Variants in TBC1D1 observed in about 807,000 individuals in gnomAD.
TBC1D1 encodes TBC1 domain family member 1.
A neutral mutation model predicts 125.6 loss-of-function variants in TBC1D1; 89 were observed. The observed-to-expected ratio is 0.71, with a 90% confidence interval of 0.60 to 0.85. The LOEUF is 0.85. Among genes scored for constraint, TBC1D1 ranks in the 40% least tolerant of loss-of-function variants. The probability of loss-of-function intolerance (pLI) is 0.00; values close to 1 mark genes in which losing one functional copy is unlikely to be tolerated. For synonymous variants in TBC1D1, 565 were observed against 564.1 expected (o/e 1.00, Z -0.02); for missense variants, 1,377 against 1,469.2 (o/e 0.94, Z 1.03).
intron 2 of TBC1D1, chr4:37,952,010 C>T: frequency 1.4e-6 from 1 of 717,690 alleles, no homozygotes; most frequent in South Asian, 1.5e-5. Context: ...TTACAGTGCT[C>T]ATCATCACTG....
At chr4:38,054,927 G>A (rs1048017566) in intron 12 of TBC1D1, 1 of 153,338 alleles carries the variant, frequency 6.5e-6, no homozygotes, top group Non-Finnish European at 1.5e-5. Flanking sequence ...GCGTGCGCAG[G>A]GTGTTTACTG....
intron 2 of TBC1D1, among the ~76,000 whole-genome samples, chr4:37,959,600 C>A (rs1014057606): frequency 6.6e-6 from 1 of 152,178 alleles, no homozygotes; most frequent in African/African-American, 2.4e-5. Context: ...TACGTACGCA[C>A]ATATGTCACT....
chr4:37,897,140 AG>A (rs577873809), intron 1 of TBC1D1, among the ~76,000 whole-genome samples: 200 of 152,338 alleles, frequency 1.3e-3, no homozygotes, highest in African/African-American at 4.6e-3. Context: ...GAATGGTCAA[AG>A]GTTGAGTGCA....
intron 17 of TBC1D1, among the ~76,000 whole-genome samples, chr4:38,122,172 C>G (rs1283068548): frequency 2.0e-5 from 3 of 152,208 alleles, no homozygotes; most frequent in African/African-American, 7.2e-5. Flanking sequence ...AATCAATCAG[C>G]GTAGTCTCCA....
intron 2 of TBC1D1, among the ~76,000 whole-genome samples, chr4:37,927,202 G>A (rs7655691): frequency 0.51 from 76,967 of 151,928 alleles, 20,155 homozygotes; most frequent in East Asian, 0.82. Flanking sequence ...TAATAGAGGC[G>A]GGAAGAGATC....
chr4:38,073,926 C>A (rs766759785), intron 12 of TBC1D1, among the ~76,000 whole-genome samples: 1 of 152,196 alleles, frequency 6.6e-6, no homozygotes, highest in African/African-American at 2.4e-5. Context: ...TGTCAGTGGA[C>A]TTTTAAGACA....
intron 1 of TBC1D1, among the ~76,000 whole-genome samples, chr4:37,898,356 TAGA>T (rs1715089396): frequency 6.6e-6 from 1 of 152,180 alleles, no homozygotes. Context: ...TAGTTGGAAA[TAGA>T]AGACAAGGAT....
chr4:37,942,583 G>C (rs112980257), intron 2 of TBC1D1, among the ~76,000 whole-genome samples: 14,372 of 151,934 alleles, frequency 0.095, 754 homozygotes, highest in African/African-American at 0.13. Context: ...CTGTCACCCA[G>C]GCTGGAGTGC....
At chr4:38,010,755 C>A (rs1450606186) in intron 2 of TBC1D1, among the ~76,000 whole-genome samples, 1 of 152,166 alleles carries the variant, frequency 6.6e-6, no homozygotes, top group African/African-American at 2.4e-5. Flanking sequence ...TTTCTCTCAG[C>A]CTTCCTCTCA....
At chr4:37,941,048 T>C (rs1269275108) in intron 2 of TBC1D1, among the ~76,000 whole-genome samples, 1 of 152,228 alleles carries the variant, frequency 6.6e-6, no homozygotes, top group African/African-American at 2.4e-5. Context: ...AAAAATGAGT[T>C]AGGGAGGATT....
chr4:38,011,076 G>A (rs1006551277), intron 2 of TBC1D1, among the ~76,000 whole-genome samples: 3 of 152,182 alleles, frequency 2.0e-5, no homozygotes, highest in Non-Finnish European at 2.9e-5. Context: ...CAGAGGCTGG[G>A]CACAGTGGCT....
intron 3 of TBC1D1, among the ~76,000 whole-genome samples, chr4:38,016,084 A>G (rs1578279863): frequency 6.6e-6 from 1 of 152,242 alleles, no homozygotes; most frequent in Non-Finnish European, 1.5e-5. Context: ...GCAGCCGTGA[A>G]CAAGACAAGT....
chr4:38,006,695 G>A (rs1462265333), intron 2 of TBC1D1: 3 of 299,576 alleles, frequency 1.0e-5, no homozygotes, highest in East Asian at 1.9e-4. Context: ...TAGCCAGGAT[G>A]GGCTCAATCT....
chr4:38,132,840 A>G (rs1765820033), intron 18 of TBC1D1: 2 of 293,478 alleles, frequency 6.8e-6, no homozygotes, highest in Non-Finnish European at 1.3e-5. Flanking sequence ...GGTGAGTATC[A>G]AAAACCTGTA....
At position 37,941,456 on chromosome 4, in the gene TBC1D1, G is replaced by A. The variant is rs576990119; in HGVS notation, c.417+38944G>A. Among the ~76,000 whole-genome samples, 172 of 151,820 alleles carry A rather than the reference G, an allele frequency of 1.1e-3. 1 individual carries two copies. The highest frequency in any genetic ancestry group is 3.8e-3 in the African/African-American group (158 of 41,408). ...TTGCTAGCGGTCTATCAATTTTATC[G>A]ATCTTTTCAAAAAACCAGCTGCTAG... On this transcript the variant is annotated intron_variant, in intron 2 of 19. Transcript: ENST00000261439.
At chr4:38,047,304 G>A (rs901321205) in intron 10 of TBC1D1, among the ~76,000 whole-genome samples, 1 of 152,096 alleles carries the variant, frequency 6.6e-6, no homozygotes, top group Non-Finnish European at 1.5e-5. Flanking sequence ...AGCTGAGACT[G>A]GTTAAAGTGC....
chr4:38,133,209 C>T lies in TBC1D1; in HGVS notation c.3258C>T (p.Thr1086=), dbSNP rs752480686. Residue 1086 remains threonine, a synonymous_variant, in exon 19 of 20, where the codon ACC becomes ACT. Transcript: ENST00000261439. ...AAAGAATGGATAAATTAGAGAAAAC[C>T]AACAGCAGCTTACGCAAACAGAACC... is the stretch of plus-strand genomic sequence containing the variant. The T allele has an allele frequency of 6.2e-6, 10 of 1,613,932 alleles. No homozygotes were observed. Among genetic ancestry groups the T allele is most frequent in the Non-Finnish European group, 8.5e-6 (10 of 1,179,974 alleles).
intron 2 of TBC1D1, among the ~76,000 whole-genome samples, chr4:37,970,943 C>CA (rs1037923695): frequency 6.6e-6 from 1 of 151,880 alleles, no homozygotes; most frequent in African/African-American, 2.4e-5. Flanking sequence ...CCTCACTGGC[C>CA]CCCCCCACTA....
chr4:38,118,050 C>T lies in TBC1D1; in HGVS notation c.2820C>T (p.Leu940=). The T allele has an allele frequency of 6.2e-7, 1 of 1,614,194 alleles. No individual in the cohort carries two copies. The highest frequency in any genetic ancestry group is 8.5e-7 in the Non-Finnish European group (1 of 1,180,022). The stretch of plus-strand genomic sequence containing the variant: ...TCCTGCAGATCCAGATGTACCAGCT[C>T]TCGAGGTTGCTTCATGATTACCACA... Residue 940 remains leucine (L), a synonymous_variant, in exon 17 of 20, where the codon CTC becomes CTT. Transcript: ENST00000261439.
Sources: gnomAD v4.1 joint callset for allele counts (sites outside exome capture counted in the v4.1 genomes callset) on GRCh38, gnomAD v4.1.1 for gene constraint, MANE v1.5 for transcripts, NCBI Gene and HGNC (gene_info 2026-07-23, HGNC 2026-07-21) for gene names.